GSG1L: variants seen among roughly 807,000 people sequenced by gnomAD.
GSG1L encodes the protein GSG1 like.
Under a neutral mutation model 42.1 loss-of-function variants are expected in GSG1L, and 24 were observed. The ratio of observed to expected loss-of-function variants is 0.57; its 90% CI spans 0.41 to 0.80. The LOEUF is 0.80. GSG1L is among the 30% of genes least tolerant of loss of function. The pLI, the probability that GSG1L is intolerant of heterozygous loss-of-function variation, is 0.00. For synonymous variants in GSG1L, 215 were observed against 203.5 expected, an observed-to-expected ratio of 1.06 and a Z score of -0.48; for missense variants, 445 against 472.2, an observed-to-expected ratio of 0.94 and a Z score of 0.53.
intron 2 of GSG1L, among the ~76,000 whole-genome samples, chr16:27,956,392 C>T (rs2141100712): frequency 6.6e-6 from 1 of 152,314 alleles, no homozygotes; most frequent in South Asian, 2.1e-4. Flanking sequence ...ACACTCATGA[C>T]CAGAAATCCA....
At chr16:27,872,602 A>G (rs911857010) in intron 3 of GSG1L, among the ~76,000 whole-genome samples, 2 of 152,190 alleles carry the variant, frequency 1.3e-5, no homozygotes, top group African/African-American at 4.8e-5. Context: ...TCGGCAGAAG[A>G]TACAGGTCAT....
chr16:27,995,374 C>G (rs573019680), intron 1 of GSG1L, among the ~76,000 whole-genome samples: 1 of 152,076 alleles, frequency 6.6e-6, no homozygotes, highest in Non-Finnish European at 1.5e-5. Context: ...TAATAAAACC[C>G]CACGGTGGGT....
intron 2 of GSG1L, among the ~76,000 whole-genome samples, chr16:27,923,770 A>AAG (rs1178395689): frequency 1.5e-5 from 2 of 133,894 alleles, no homozygotes; most frequent in African/African-American, 2.8e-5. Flanking sequence ...GAAAGAAAGA[A>AAG]AGAGAGAGAG....
intron 4 of GSG1L, among the ~76,000 whole-genome samples, chr16:27,839,219 G>C (rs1267020275): frequency 6.6e-6 from 1 of 152,190 alleles, no homozygotes; most frequent in Non-Finnish European, 1.5e-5. Flanking sequence ...GAAACAGAAA[G>C]GGGCCACTAG....
intron 1 of GSG1L, among the ~76,000 whole-genome samples, chr16:28,051,184 G>A (rs1448186390): frequency 6.6e-6 from 1 of 152,180 alleles, no homozygotes; most frequent in Admixed American, 6.5e-5. Context: ...TTGGCTTTTG[G>A]TTGGAGTGGG....
rs543296159 is a variant in GSG1L, at chr16:28,005,628, G to A, written c.350-42425C>T. 1.9e-3 allele frequency among the ~76,000 whole-genome samples: 292 copies of A among 150,662 alleles called. 3 individuals are homozygous for A. Among genetic ancestry groups the A allele is most frequent in the Non-Finnish European group, 1.6e-4 (11 of 67,518 alleles). On this transcript the variant is annotated intron_variant, in intron 1 of 6. Coordinates refer to ENST00000447459, the MANE Select transcript of GSG1L (RefSeq NM_001109763.2). The stretch of plus-strand genomic sequence containing the variant: ...GTTCAACGTATGAATGGTGGGGGGG[G>A]AGGGGCATAATTCAACCTGTCACAT...
intron 6 of GSG1L, among the ~76,000 whole-genome samples, chr16:27,797,766 G>A (rs1242654429): frequency 6.8e-6 from 1 of 147,016 alleles, no homozygotes; most frequent in Non-Finnish European, 1.5e-5. Context: ...AGCTGGCAGT[G>A]AGCCGAGATT....
chr16:27,992,897 C>T (rs1358501807), intron 1 of GSG1L, among the ~76,000 whole-genome samples: 1 of 152,146 alleles, frequency 6.6e-6, no homozygotes, highest in East Asian at 1.9e-4. Flanking sequence ...CACCTTATAA[C>T]TAGAAGAAGG....
intron 1 of GSG1L, among the ~76,000 whole-genome samples, chr16:27,968,377 G>A (rs2085157692): frequency 6.6e-6 from 1 of 152,068 alleles, no homozygotes; most frequent in South Asian, 2.1e-4. Flanking sequence ...AGCCTCCTGA[G>A]TAGCTGAGAC....
At chr16:27,992,647 C>A (rs2085468895) in intron 1 of GSG1L, among the ~76,000 whole-genome samples, 1 of 152,216 alleles carries the variant, frequency 6.6e-6, no homozygotes. Flanking sequence ...CCTCTCGGCT[C>A]CCTCAGCCTT....
intron 1 of GSG1L, among the ~76,000 whole-genome samples, chr16:28,004,366 G>A (rs978610950): frequency 2.0e-5 from 3 of 152,032 alleles, no homozygotes; most frequent in Non-Finnish European, 4.4e-5. Context: ...CTGAGAGGAA[G>A]GAGGTGAGGG....
rs141344785 is a variant in GSG1L, at chr16:27,922,394, A to G, written c.398-37756T>C. Among the ~76,000 whole-genome samples, 130 of 152,284 alleles carry G rather than the reference A, an allele frequency of 8.5e-4. 1 individual carries two copies. Among genetic ancestry groups the G allele is most frequent in the Non-Finnish European group, 1.6e-3 (109 of 68,032 alleles). On this transcript the variant is annotated intron_variant, in intron 2 of 6. Coordinates refer to ENST00000447459, the MANE Select transcript of GSG1L (RefSeq NM_001109763.2). The stretch of plus-strand genomic sequence containing the variant: ...TATAATTATGCCTTTTCCTTCACAT[A>G]TCTATAACCAAATACATTTTATATA...
intron 1 of GSG1L, among the ~76,000 whole-genome samples, chr16:27,988,981 A>C (rs1310635860): frequency 6.9e-6 from 1 of 145,638 alleles, no homozygotes; most frequent in East Asian, 2.0e-4. Flanking sequence ...TGAACCCGGG[A>C]GGCGGATGTT....
At chr16:27,871,745 T>C (rs1010037053) in intron 3 of GSG1L, among the ~76,000 whole-genome samples, 1 of 152,148 alleles carries the variant, frequency 6.6e-6, no homozygotes, top group Non-Finnish European at 1.5e-5. Context: ...TGGATGAAAC[T>C]TGAAAGCGTG....
intron 2 of GSG1L, among the ~76,000 whole-genome samples, chr16:27,924,562 TG>T (rs2084569472): frequency 1.3e-5 from 2 of 152,186 alleles, no homozygotes; most frequent in Admixed American, 1.3e-4. Context: ...TTTGTATGAC[TG>T]TATAATATCC....
chr16:27,894,850 G>T (rs1488527066), intron 2 of GSG1L, among the ~76,000 whole-genome samples: 1 of 152,160 alleles, frequency 6.6e-6, no homozygotes, highest in African/African-American at 2.4e-5. Flanking sequence ...GGGAGGCACT[G>T]TTCCACCTCC....
rs139892870 is a variant in GSG1L at position 27,801,198 on chromosome 16, C to T, written c.898+6289G>A. Among the ~76,000 whole-genome samples the T allele has an allele frequency of 5.9e-4, 90 of 152,186 alleles. 1 individual carries two copies. Among genetic ancestry groups the T allele is most frequent in the African/African-American group, 1.1e-3 (44 of 41,528 alleles). ...GCATGGGAGATGGGGAAGAGGCCTA[C>T]GGGGTTGGGAGCCTGAGAAGGAGTG... On this transcript the variant is annotated intron_variant, in intron 6 of 6. Transcript: ENST00000447459.
At chr16:27,862,976 A>G (rs1267379298) in intron 3 of GSG1L, among the ~76,000 whole-genome samples, 1 of 152,042 alleles carries the variant, frequency 6.6e-6, no homozygotes, top group African/African-American at 2.4e-5. Flanking sequence ...TAATAATTCA[A>G]ATGTATTCAT....
intron 2 of GSG1L, among the ~76,000 whole-genome samples, chr16:27,888,413 T>C (rs1335297565): frequency 6.7e-5 from 1 of 14,826 alleles, no homozygotes; most frequent in South Asian, 0.01. Context: ...TCTTTCTTTC[T>C]TTCTTTCTTT....
Sources: gnomAD v4.1 joint callset for allele counts (sites outside exome capture counted in the v4.1 genomes callset) on GRCh38, gnomAD v4.1.1 for gene constraint, MANE v1.5 for transcripts, NCBI Gene and HGNC (gene_info 2026-07-23, HGNC 2026-07-21) for gene names.